Variants in VWA8 observed in about 807,000 individuals in gnomAD.
VWA8 encodes von Willebrand factor A domain containing 8, also known as von Willebrand factor A domain-containing protein 8.
A neutral mutation model predicts 241.5 loss-of-function variants in VWA8; 221 were observed. The ratio of observed to expected loss-of-function variants is 0.91; its 90% CI spans 0.82 to 1.02. The LOEUF is 1.02. Ranked by LOEUF, VWA8 falls within the 50% of genes least tolerant of loss-of-function variation. VWA8 has a pLI of 0.00. For synonymous variants in VWA8, 852 were observed against 827.1 expected, an observed-to-expected ratio of 1.03 and a Z score of -0.52; for missense variants, 2,322 against 2,328.7, an observed-to-expected ratio of 1.00 and a Z score of 0.06.
chr13:41,758,724 T>C (rs2045718076), intron 21 of VWA8, among the ~76,000 whole-genome samples: 1 of 150,904 alleles, frequency 6.6e-6, no homozygotes, highest in African/African-American at 2.4e-5. Flanking sequence ...ATAATATGAG[T>C]AGTTAATATT....
Position 41,721,519 on chromosome 13 carries a change from T to C in VWA8, c.2815A>G (p.Met939Val), listed in dbSNP as rs1450467793. 7.4e-6 allele frequency: 12 copies of C among 1,613,814 alleles called. No individual in the cohort carries two copies. The highest frequency in any genetic ancestry group is 8.5e-6 in the Non-Finnish European group (10 of 1,179,814). ...DNPKPHSELE[M>V]LRQYGPNVPE... ...ACATTTGGTCCATACTGTCTGAGCA[T>C]CTCGAGCTCCGAGTGGGGTTTGGGG... is the stretch of plus-strand genomic sequence containing the variant. The change falls in exon 25 of 45, where the codon ATG becomes GTG. Residue 939 changes from methionine (M) to valine (V), a missense_variant. Coordinates refer to ENST00000379310, the MANE Select transcript of VWA8 (RefSeq NM_015058.2).
chr13:41,931,031 C>T (rs774228277), intron 2 of VWA8, among the ~76,000 whole-genome samples: 3 of 151,788 alleles, frequency 2.0e-5, no homozygotes, highest in Admixed American at 6.6e-5. Flanking sequence ...CGCCTGTAGT[C>T]CCAGCTACTC....
rs759518109 is a variant in VWA8, at chr13:41,721,440, A to C, written c.2894T>G (p.Leu965Trp). The C allele has an allele frequency of 6.2e-7, 1 of 1,613,926 alleles. No individual in the cohort carries two copies. The highest frequency in any genetic ancestry group is 8.5e-7 in the Non-Finnish European group (1 of 1,179,840). The change falls in exon 25 of 45, where the codon TTG becomes TGG. Residue 965 changes from leucine to tryptophan, a missense_variant. Coordinates refer to ENST00000379310, the MANE Select transcript of VWA8 (RefSeq NM_015058.2). Reference protein sequence around the residue: ...LVAAFGELRSLADQGIINYPY... With the variant: ...LVAAFGELRSWADQGIINYPY... ...ATAGTTAATAATCCCTTGGTCAGCCAAACTCCTCAGCTCTCCAAAGGCAGC... is the reference window on the plus strand; with the variant it reads ...ATAGTTAATAATCCCTTGGTCAGCCCAACTCCTCAGCTCTCCAAAGGCAGC...
Position 41,763,308 on chromosome 13 carries a change from A to AATAAATAAATAGATAG in VWA8, c.2350-2105_2350-2104insCTATCTATTTATTTAT, listed in dbSNP as rs1555332023. On this transcript the variant is annotated intron_variant, in intron 20 of 44. Transcript: ENST00000379310. ...ACCTGTAAAAATAAATAAATAAATA[A>AATAAATAAATAGATAG]ATAGATAGATAGATAGATAGATAGA... Among the ~76,000 whole-genome samples, 366 of 145,868 alleles carry AATAAATAAATAGATAG rather than the reference A, an allele frequency of 2.5e-3. 2 individuals are homozygous for AATAAATAAATAGATAG. Among genetic ancestry groups the AATAAATAAATAGATAG allele is most frequent in the Non-Finnish European group, 3.9e-3 (256 of 65,542 alleles).
intron 36 of VWA8, among the ~76,000 whole-genome samples, chr13:41,673,275 A>C (rs933239964): frequency 6.6e-6 from 1 of 152,236 alleles, no homozygotes; most frequent in Non-Finnish European, 1.5e-5. Flanking sequence ...TTTGGCCCTG[A>C]AGCTACATAC....
intron 12 of VWA8, among the ~76,000 whole-genome samples, chr13:41,840,309 T>A (rs572621144): frequency 4.1e-4 from 63 of 152,072 alleles, no homozygotes; most frequent in Admixed American, 1.4e-3. Flanking sequence ...CTGGGGCCTG[T>A]CTGGGGATGG....
intron 12 of VWA8, among the ~76,000 whole-genome samples, chr13:41,856,291 G>A (rs1217440327): frequency 1.3e-5 from 2 of 152,094 alleles, no homozygotes; most frequent in Non-Finnish European, 2.9e-5. Context: ...AGCTGAGATC[G>A]CACCACCGCA....
At chr13:41,731,182 T>G (rs1436832125) in intron 22 of VWA8, among the ~76,000 whole-genome samples, 4 of 151,984 alleles carry the variant, frequency 2.6e-5, no homozygotes, top group African/African-American at 9.7e-5. Context: ...CAGGAGATCC[T>G]AAAGACTCCA....
chr13:41,955,795 G>A (rs1209278595), intron 1 of VWA8: 1 of 152,122 alleles, frequency 6.6e-6, no homozygotes, highest in Non-Finnish European at 1.5e-5. Flanking sequence ...AGTATACTTT[G>A]GTAACAAATA....
At position 41,632,826 on chromosome 13, in the gene VWA8, C is replaced by T. The variant is rs185745592; in HGVS notation, c.4612-17742G>A. Among the ~76,000 whole-genome samples, 87 of 152,252 alleles carry T rather than the reference C, an allele frequency of 5.7e-4. No individual in the cohort carries two copies. In the East Asian group the frequency reaches 7.5e-3, roughly 13 times the overall value. Reference sequence around the variant, plus strand: ...CAATCTTCCTTTGCTTCCAGCAGGCCGGGCACTATCACTTACATACTTTTT... The same window carrying T: ...CAATCTTCCTTTGCTTCCAGCAGGCTGGGCACTATCACTTACATACTTTTT... On this transcript the variant is annotated intron_variant, in intron 37 of 44. Transcript: ENST00000379310.
chr13:41,593,372 G>A lies in VWA8; in HGVS notation c.4987-2607C>T, dbSNP rs531461793. On this transcript the variant is annotated intron_variant, in intron 40 of 44. Coordinates refer to ENST00000379310, the MANE Select transcript of VWA8 (RefSeq NM_015058.2). ...ATTATGTTCTTGGCAAGAATCCCAT[G>A]ATCTCTCAGGAAAATGGGTCACTCT... 2.0e-5 allele frequency among the ~76,000 whole-genome samples: 3 copies of A among 152,270 alleles called. No homozygotes were observed. The East Asian group carries it at 5.8e-4, about 29-fold the overall frequency.
At chr13:41,792,581 T>G (rs1009871921) in intron 17 of VWA8, among the ~76,000 whole-genome samples, 3 of 152,032 alleles carry the variant, frequency 2.0e-5, no homozygotes, top group African/African-American at 7.2e-5. Flanking sequence ...CAAAATTTCT[T>G]GGCTATTAGT....
chr13:41,807,477 T>C (rs1870267246), intron 17 of VWA8, among the ~76,000 whole-genome samples: 1 of 152,176 alleles, frequency 6.6e-6, no homozygotes, highest in Admixed American at 6.5e-5. Context: ...CAACACATTA[T>C]AAAGATCATT....
chr13:41,714,263 G>A (rs2045335358), intron 26 of VWA8, among the ~76,000 whole-genome samples: 1 of 151,758 alleles, frequency 6.6e-6, no homozygotes, highest in Non-Finnish European at 1.5e-5. Context: ...TAGCTAGTTT[G>A]CTAGTGACAA....
At chr13:41,733,907 A>ATGTAG in intron 21 of VWA8, among the ~76,000 whole-genome samples, 1 of 152,342 alleles carries the variant, frequency 6.6e-6, no homozygotes, top group Non-Finnish European at 1.5e-5. Flanking sequence ...AAAGTCAACG[A>ATGTAG]TGTAGTTTAT....
chr13:41,849,052 T>A (rs1451721067), intron 12 of VWA8, among the ~76,000 whole-genome samples: 23 of 152,222 alleles, frequency 1.5e-4, no homozygotes. Flanking sequence ...AAAGATTGCC[T>A]TTTCCTTCTC....
chr13:41,571,539 G>A (rs947633050), intron 43 of VWA8, among the ~76,000 whole-genome samples: 24 of 152,298 alleles, frequency 1.6e-4, no homozygotes, highest in Admixed American at 1.0e-3. Context: ...TGGTGGAGAC[G>A]GGGTTTCGCC....
chr13:41,764,514 C>A (rs373063518), intron 20 of VWA8, among the ~76,000 whole-genome samples: 1 of 152,256 alleles, frequency 6.6e-6, no homozygotes, highest in African/African-American at 2.4e-5. Context: ...TAGATAGTGT[C>A]CTCATATGAC....
rs554510068 is a variant in VWA8 at position 41,710,792 on chromosome 13, A to T, written c.3117-7381T>A. Among the ~76,000 whole-genome samples, 53 of 152,380 alleles carry T rather than the reference A, an allele frequency of 3.5e-4. 1 individual carries two copies. The South Asian group carries it at 0.011, about 31-fold the overall frequency. On this transcript the variant is annotated intron_variant, in intron 26 of 44. Transcript: ENST00000379310. Reference sequence around the variant, plus strand: ...TGTTAGTTGGATAAACAGTAAACTGATAATCATTCTGACTTTCAAAGAGAA... The same window carrying T: ...TGTTAGTTGGATAAACAGTAAACTGTTAATCATTCTGACTTTCAAAGAGAA...
Sources: gnomAD v4.1 joint callset for allele counts (sites outside exome capture counted in the v4.1 genomes callset) on GRCh38, gnomAD v4.1.1 for gene constraint, MANE v1.5 for transcripts, NCBI Gene and HGNC (gene_info 2026-07-23, HGNC 2026-07-21) for gene names.